FRMD4A: variants seen among roughly 807,000 people sequenced by gnomAD.
FRMD4A encodes the protein FERM domain containing 4A, also known as FERM domain-containing protein 4A.
Under a neutral mutation model 129.1 loss-of-function variants are expected in FRMD4A, and 29 were observed. That is an observed-to-expected ratio of 0.22 (90% CI 0.17 to 0.31). FRMD4A has a LOEUF of 0.31. Ranked by LOEUF, FRMD4A falls within the 10% of genes least tolerant of loss-of-function variation. The probability of loss-of-function intolerance (pLI) is 1.00; values close to 1 mark genes in which losing one functional copy is unlikely to be tolerated. For synonymous variants in FRMD4A, 634 were observed against 571.6 expected (o/e 1.11, Z -1.56); for missense variants, 1,272 against 1,375.8 (o/e 0.92, Z 1.19).
At chr10:13,992,952 C>CA (rs10648349) in intron 2 of FRMD4A, among the ~76,000 whole-genome samples, 21,207 of 65,916 alleles carry the variant, frequency 0.32, 6,325 homozygotes, top group Non-Finnish European at 0.42. Flanking sequence ...GACTCTGTCT[C>CA]AAAAAAAAAA....
intron 17 of FRMD4A, among the ~76,000 whole-genome samples, chr10:13,669,156 G>A (rs1243547957): frequency 6.7e-6 from 1 of 149,240 alleles, no homozygotes; most frequent in Admixed American, 6.8e-5. Context: ...CCGACTCCCG[G>A]GTTCAAGCGA....
At chr10:14,256,732 C>G (rs1026032646) in intron 2 of FRMD4A, among the ~76,000 whole-genome samples, 4 of 152,036 alleles carry the variant, frequency 2.6e-5, no homozygotes, top group Non-Finnish European at 5.9e-5. Context: ...CCTATAATCC[C>G]AACACTTTGT....
At chr10:13,943,675 A>AAAAAAAAAAAAAAAG (rs2095310696) in intron 2 of FRMD4A, among the ~76,000 whole-genome samples, 1 of 123,800 alleles carries the variant, frequency 8.1e-6, no homozygotes, top group Non-Finnish European at 1.8e-5. Context: ...AAAAAAAAAA[A>AAAAAAAAAAAAAAAG]AAAAGAAAAA....
intron 2 of FRMD4A, among the ~76,000 whole-genome samples, chr10:13,913,031 C>G (rs2094960103): frequency 6.7e-6 from 1 of 149,812 alleles, no homozygotes; most frequent in South Asian, 2.1e-4. Context: ...TGAGGTCACA[C>G]CATTGCACCG....
In FRMD4A at chr10:14,177,421, C is replaced by T. The variant is rs904126019; in HGVS notation, c.45+152637G>A. On this transcript the variant is annotated intron_variant, in intron 2 of 24. Coordinates refer to ENST00000357447, the MANE Select transcript of FRMD4A (RefSeq NM_018027.5). ...CACCTGGCCACAAATTATCCACCAACCTTGGCCTCCCAAAGTGCTGGGATT... is the reference window on the plus strand; with the variant it reads ...CACCTGGCCACAAATTATCCACCAATCTTGGCCTCCCAAAGTGCTGGGATT... Among the ~76,000 whole-genome samples, 3 of 152,076 alleles carry T rather than the reference C, an allele frequency of 2.0e-5. No homozygotes were observed. The East Asian group carries it at 5.8e-4, about 29-fold the overall frequency.
rs905719766 is a variant in FRMD4A, at chr10:13,921,248, T to C, written c.46-62336A>G. ...TCTTTCTCTCTCTTTCTTTCTCTCT[T>C]TCTCTCTCTCTCTCTCTTTCTCTCT... On this transcript the variant is annotated intron_variant, in intron 2 of 24. Coordinates refer to ENST00000357447, the MANE Select transcript of FRMD4A (RefSeq NM_018027.5). 5.0e-3 allele frequency among the ~76,000 whole-genome samples: 371 copies of C among 74,868 alleles called. 3 individuals carry two copies. The highest frequency in any genetic ancestry group is 0.015 in the African/African-American group (342 of 22,206). 49.1% of individuals were successfully genotyped at this position (74,868 alleles called of 152,430 possible).
At chr10:14,026,254 ATC>A (rs1189289161) in intron 2 of FRMD4A, among the ~76,000 whole-genome samples, 4 of 152,244 alleles carry the variant, frequency 2.6e-5, no homozygotes, top group Admixed American at 6.5e-5. Flanking sequence ...CCATTTTAGT[ATC>A]TCTCTGTGAA....
At chr10:14,314,286 C>T (rs1846657000) in intron 2 of FRMD4A, among the ~76,000 whole-genome samples, 1 of 152,104 alleles carries the variant, frequency 6.6e-6, no homozygotes, top group African/African-American at 2.4e-5. Context: ...ACTCTCACCT[C>T]ACCTCTCCAT....
intron 2 of FRMD4A, among the ~76,000 whole-genome samples, chr10:14,082,793 G>A (rs1275873217): frequency 7.9e-5 from 12 of 152,156 alleles, no homozygotes; most frequent in Admixed American, 6.5e-4. Flanking sequence ...CATTAACAGG[G>A]ATGGATTTGG....
chr10:13,994,175 A>AT (rs549621959), intron 2 of FRMD4A, among the ~76,000 whole-genome samples: 6,033 of 101,782 alleles, frequency 0.059, 272 homozygotes, highest in Non-Finnish European at 0.075. Flanking sequence ...CGCCCAGCTA[A>AT]TTTTTTTTTT....
intron 2 of FRMD4A, among the ~76,000 whole-genome samples, chr10:14,071,370 CACT>C (rs1318877060): frequency 6.6e-6 from 1 of 152,100 alleles, no homozygotes; most frequent in South Asian, 2.1e-4. Context: ...TAACAGTGAC[CACT>C]GTGTACATCC....
At chr10:14,005,734 G>T (rs2095659906) in intron 2 of FRMD4A, among the ~76,000 whole-genome samples, 1 of 152,150 alleles carries the variant, frequency 6.6e-6, no homozygotes, top group African/African-American at 2.4e-5. Context: ...ACAATGCCAG[G>T]TCCCTGGATT....
chr10:14,072,115 C>G (rs1835346306), intron 2 of FRMD4A, among the ~76,000 whole-genome samples: 1 of 152,164 alleles, frequency 6.6e-6, no homozygotes, highest in Non-Finnish European at 1.5e-5. Context: ...AGTCAATTGA[C>G]CATTCATTCT....
chr10:14,052,862 C>G (rs1834328800), intron 2 of FRMD4A, among the ~76,000 whole-genome samples: 1 of 152,124 alleles, frequency 6.6e-6, no homozygotes, highest in South Asian at 2.1e-4. Flanking sequence ...CTGCGCTCAG[C>G]CACCAGGCTC....
At chr10:14,118,404 A>G (rs1037896183) in intron 2 of FRMD4A, among the ~76,000 whole-genome samples, 4 of 152,166 alleles carry the variant, frequency 2.6e-5, no homozygotes, top group Admixed American at 2.6e-4. Context: ...TCACTGGCCA[A>G]ATAGAATCAG....
In FRMD4A at chr10:14,240,757, A is replaced by G. The variant is rs146508782; in HGVS notation, c.45+89301T>C. Among the ~76,000 whole-genome samples, 311 of 152,346 alleles carry G rather than the reference A, an allele frequency of 2.0e-3. 2 individuals carry two copies. The highest frequency in any genetic ancestry group is 6.6e-3 in the African/African-American group (274 of 41,576). On this transcript the variant is annotated intron_variant, in intron 2 of 24. Transcript: ENST00000357447. ...CATCTGAATTTCGCTACAAGGTAAC[A>G]TTCGGCTTCATTCTCTTTCCTGTTT...
At chr10:13,660,195 C>T (rs1057165518) in intron 20 of FRMD4A, 121 bp downstream of exon 20, 4 of 680,604 alleles carry the variant, frequency 5.9e-6, no homozygotes, top group Non-Finnish European at 1.0e-5. Flanking sequence ...AAGGCAAACC[C>T]CACGGGGAGG....
intron 3 of FRMD4A, among the ~76,000 whole-genome samples, chr10:13,832,499 C>G (rs2093805936): frequency 6.6e-6 from 1 of 152,182 alleles, no homozygotes; most frequent in African/African-American, 2.4e-5. Flanking sequence ...CTGGGGCACC[C>G]TCGGGATTCC....
intron 2 of FRMD4A, among the ~76,000 whole-genome samples, chr10:14,184,923 T>C (rs564431362): frequency 6.6e-6 from 1 of 152,276 alleles, no homozygotes; most frequent in Admixed American, 6.5e-5. Flanking sequence ...ACGCGACCGC[T>C]AAAGTCGTGT....
Sources: gnomAD v4.1 joint callset for allele counts (sites outside exome capture counted in the v4.1 genomes callset) on GRCh38, gnomAD v4.1.1 for gene constraint, MANE v1.5 for transcripts, NCBI Gene and HGNC (gene_info 2026-07-23, HGNC 2026-07-21) for gene names.